Variants in ARHGAP22 observed in about 807,000 individuals in gnomAD.
ARHGAP22 encodes the protein Rho GTPase activating protein 22, also known as rho GTPase-activating protein 22.
ARHGAP22 carries 48 observed loss-of-function variants against 59.1 expected under a neutral mutation model. That is an observed-to-expected ratio of 0.81 (90% CI 0.64 to 1.03). The LOEUF (loss-of-function observed/expected upper bound fraction) is 1.03, where lower values mean the gene tolerates loss of function less well. Among genes scored for constraint, ARHGAP22 ranks in the 50% least tolerant of loss-of-function variants. ARHGAP22 has a pLI of 0.00. For synonymous variants in ARHGAP22, 445 were observed against 416.4 expected (o/e 1.07, Z -0.84); for missense variants, 1,015 against 958.7 (o/e 1.06, Z -0.78).
intron 3 of ARHGAP22, among the ~76,000 whole-genome samples, chr10:48,519,811 G>A (rs562749235): frequency 3.4e-4 from 52 of 152,302 alleles, no homozygotes; most frequent in African/African-American, 1.2e-3. Context: ...CCTGGGAGGG[G>A]GAGGGGGGAA....
intron 1 of ARHGAP22, among the ~76,000 whole-genome samples, chr10:48,644,569 A>G (rs1011555624): frequency 1.3e-5 from 2 of 152,234 alleles, no homozygotes; most frequent in Non-Finnish European, 2.9e-5. Context: ...AATCTAAATC[A>G]TATAAAGTAC....
intron 3 of ARHGAP22, among the ~76,000 whole-genome samples, chr10:48,532,152 A>T (rs2054907933): frequency 6.6e-6 from 1 of 152,212 alleles, no homozygotes; most frequent in Non-Finnish European, 1.5e-5. Context: ...TCTACAGGTG[A>T]GGATATGGAC....
intron 2 of ARHGAP22, among the ~76,000 whole-genome samples, chr10:48,570,643 C>T (rs867849006): frequency 6.6e-5 from 10 of 152,276 alleles, no homozygotes; most frequent in African/African-American, 1.9e-4. Flanking sequence ...CTTTTGTGGA[C>T]AGAGACTTGC....
chr10:48,603,344 A>G (rs1172651669), intron 1 of ARHGAP22, among the ~76,000 whole-genome samples: 1 of 152,230 alleles, frequency 6.6e-6, no homozygotes. Context: ...GTACTTGTAA[A>G]TGTTCTAGTA....
At chr10:48,444,536 A>G (rs557052415), downstream of ARHGAP22, 3 of 152,358 alleles carry the variant, frequency 2.0e-5, no homozygotes, top group East Asian at 5.8e-4. Context: ...TCCTATCCCT[A>G]CTGGGGACTC....
At chr10:48,583,223 T>C in intron 1 of ARHGAP22, 71 bp from the exon 2 acceptor site, 6 of 1,530,428 alleles carry the variant, frequency 3.9e-6, no homozygotes, top group Non-Finnish European at 5.3e-6. Context: ...CCCATCCTGG[T>C]GTCCCAGCTG....
chr10:48,604,317 C>A (rs773660798), intron 1 of ARHGAP22, among the ~76,000 whole-genome samples: 8 of 152,228 alleles, frequency 5.3e-5, no homozygotes, highest in Non-Finnish European at 1.2e-4. Flanking sequence ...TGCAAAGCAG[C>A]GGGAACGAAG....
At chr10:48,642,569 C>G (rs1390232789) in intron 1 of ARHGAP22, among the ~76,000 whole-genome samples, 1 of 152,018 alleles carries the variant, frequency 6.6e-6, no homozygotes, top group African/African-American at 2.4e-5. Flanking sequence ...CTTCCTTACA[C>G]CTTATATAAA....
chr10:48,432,156 TAAAGAGTGAGTAGTATTTCA>T, the ARHGAP22 span, among the ~76,000 whole-genome samples: 1 of 152,196 alleles, frequency 6.6e-6, no homozygotes, highest in Non-Finnish European at 1.5e-5. Context: ...AGCTGAGCCT[TAAAGAGTGAGTAGTATTTCA>T]AAAGATCTTG....
intron 2 of ARHGAP22, among the ~76,000 whole-genome samples, chr10:48,557,260 C>T (rs759737156): frequency 1.3e-4 from 20 of 152,078 alleles, no homozygotes; most frequent in Admixed American, 2.6e-4. Context: ...TGGGCGTTTG[C>T]TGTTTCAGTA....
chr10:48,546,621 A>C (rs1285495755), intron 3 of ARHGAP22: 1 of 168,566 alleles, frequency 5.9e-6, no homozygotes, highest in Non-Finnish European at 1.3e-5. Context: ...TGTCATGAAA[A>C]TCATGTGTAC....
chr10:48,643,886 G>A (rs574107156), intron 1 of ARHGAP22, among the ~76,000 whole-genome samples: 4 of 152,164 alleles, frequency 2.6e-5, no homozygotes, highest in South Asian at 2.1e-4. Flanking sequence ...GGTGGCTCAC[G>A]CCTGTAATCC....
chr10:48,479,939 G>A (rs1306688701), intron 3 of ARHGAP22, among the ~76,000 whole-genome samples, 175 bp from the exon 4 acceptor site: 1 of 152,154 alleles, frequency 6.6e-6, no homozygotes, highest in Admixed American at 6.5e-5. Context: ...CTCTTTCTTT[G>A]GAGTCTTTTC....
At chr10:48,525,210 A>G (rs1490494715) in intron 3 of ARHGAP22, among the ~76,000 whole-genome samples, 1 of 152,230 alleles carries the variant, frequency 6.6e-6, no homozygotes, top group African/African-American at 2.4e-5. Context: ...AGGAAAGTCT[A>G]TGGAAGGCTA....
intron 1 of ARHGAP22, among the ~76,000 whole-genome samples, chr10:48,600,999 A>G (rs574557876): frequency 6.6e-6 from 1 of 152,264 alleles, no homozygotes; most frequent in African/African-American, 2.4e-5. Context: ...CTTCTTCAGC[A>G]TATCTTACTG....
chr10:48,507,928 T>TGGGGGGGGGGGGGGGGG (rs1238916411), intron 3 of ARHGAP22, among the ~76,000 whole-genome samples: 1 of 10,690 alleles, frequency 9.4e-5, no homozygotes, highest in Non-Finnish European at 2.3e-4. Context: ...GGGGTGGGGG[T>TGGGGGGGGGGGGGGGGG]GGGGGGGGAT....
intron 1 of ARHGAP22, among the ~76,000 whole-genome samples, chr10:48,620,348 A>G (rs917400385): frequency 3.9e-5 from 6 of 151,932 alleles, no homozygotes; most frequent in African/African-American, 1.2e-4. Flanking sequence ...GGCATACATT[A>G]TCTTATCCAT....
At chr10:48,555,371 G>T in intron 3 of ARHGAP22, 92 bp downstream of exon 3, 1 of 1,226,610 alleles carries the variant, frequency 8.2e-7, no homozygotes, top group Non-Finnish European at 1.2e-6. Flanking sequence ...TGGCTCCTGC[G>T]GGAGGAGTGT....
chr10:48,524,125 C>T (rs2134795401), intron 3 of ARHGAP22: 1 of 1,316,020 alleles, frequency 7.6e-7, no homozygotes, highest in Non-Finnish European at 9.7e-7. Context: ...CGCGGCCCCG[C>T]CGCTCGGCTC....
Sources: gnomAD v4.1 joint callset for allele counts (sites outside exome capture counted in the v4.1 genomes callset) on GRCh38, gnomAD v4.1.1 for gene constraint, MANE v1.5 for transcripts, NCBI Gene and HGNC (gene_info 2026-07-23, HGNC 2026-07-21) for gene names.